The following NCOR2 variants were observed in gnomAD, a reference collection of about 807,000 sequenced individuals.
NCOR2 encodes nuclear receptor corepressor 2.
In NCOR2, 81 loss-of-function variants were observed where a neutral mutation model predicts 262.9. That is an observed-to-expected ratio of 0.31 (90% CI 0.26 to 0.37). The LOEUF is 0.37. Ranked by LOEUF, NCOR2 falls within the 10% of genes least tolerant of loss-of-function variation. NCOR2 has a pLI of 1.00. For synonymous variants in NCOR2, 1,659 were observed against 1,559.3 expected (o/e 1.06, Z -1.51); for missense variants, 3,385 against 3,621.4 (o/e 0.93, Z 1.68).
intron 18 of NCOR2, among the ~76,000 whole-genome samples, chr12:124,376,025 G>A (rs1328369449): frequency 6.6e-6 from 1 of 152,146 alleles, no homozygotes; most frequent in South Asian, 2.1e-4. Flanking sequence ...TGGCTGGGCC[G>A]GCAGACCCCG....
chr12:124,357,487 G>C (rs2038040400), intron 22 of NCOR2, among the ~76,000 whole-genome samples: 1 of 152,154 alleles, frequency 6.6e-6, no homozygotes, highest in African/African-American at 2.4e-5. Context: ...GTAGAGATGA[G>C]GTCTTGTTAT....
intron 1 of NCOR2, among the ~76,000 whole-genome samples, chr12:124,546,587 G>T (rs1218304200): frequency 6.6e-6 from 1 of 152,078 alleles, no homozygotes; most frequent in African/African-American, 2.4e-5. Flanking sequence ...GCTAATTTTT[G>T]TATTTTTAGT....
In NCOR2 at chr12:124,418,015, C is replaced by T. The variant is rs146019263; in HGVS notation, c.1482+1942G>A. 4.0e-3 allele frequency among the ~76,000 whole-genome samples: 608 copies of T among 150,648 alleles called. 3 individuals carry two copies. Among genetic ancestry groups the T allele is most frequent in the African/African-American group, 0.014 (587 of 40,948 alleles). ...GGCAGAGGTTGCAGTGAGCTGGGAT[C>T]GCGCCACTGCACTCTGACCTGGGCG... On this transcript the variant is annotated intron_variant, in intron 13 of 46. Transcript: ENST00000405201.
intron 20 of NCOR2, among the ~76,000 whole-genome samples, chr12:124,364,430 C>T (rs568782694): frequency 2.0e-5 from 3 of 152,312 alleles, no homozygotes; most frequent in Non-Finnish European, 2.9e-5. Context: ...CCACGAAGGA[C>T]GAGGACATGA....
chr12:124,408,633 C>T (rs556027302), intron 13 of NCOR2, among the ~76,000 whole-genome samples: 1 of 152,192 alleles, frequency 6.6e-6, no homozygotes, highest in Non-Finnish European at 1.5e-5. Context: ...CCTGTAGTCC[C>T]AGCTACTCAG....
At chr12:124,370,093 G>A (rs530572035) in intron 20 of NCOR2, among the ~76,000 whole-genome samples, 4 of 152,202 alleles carry the variant, frequency 2.6e-5, no homozygotes, top group African/African-American at 7.2e-5. Context: ...GCGGGGAGCC[G>A]TCTGCCCTGA....
intron 44 of NCOR2, chr12:124,328,843 T>G (rs1166398576): frequency 4.2e-6 from 1 of 239,748 alleles, no homozygotes; most frequent in Non-Finnish European, 8.4e-6. Flanking sequence ...AACTGCTGGC[T>G]GCCTGCGTTT....
intron 1 of NCOR2, among the ~76,000 whole-genome samples, chr12:124,525,136 C>A (rs1201607260): frequency 1.3e-5 from 2 of 152,174 alleles, no homozygotes; most frequent in African/African-American, 4.8e-5. Flanking sequence ...CCTCCTGGGG[C>A]CCCCCTGCTC....
intron 7 of NCOR2, among the ~76,000 whole-genome samples, chr12:124,446,104 C>T (rs1565951197): frequency 6.6e-6 from 1 of 152,194 alleles, no homozygotes; most frequent in African/African-American, 2.4e-5. Flanking sequence ...CTAGCATGAG[C>T]GGTCACAAAA....
At chr12:124,343,277 G>T in intron 32 of NCOR2, 51 bp from the exon 35 acceptor site, 1 of 1,535,558 alleles carries the variant, frequency 6.5e-7, no homozygotes, top group Non-Finnish European at 8.9e-7. Flanking sequence ...GGCATTTACG[G>T]GGAGTTGTTT....
intron 8 of NCOR2, among the ~76,000 whole-genome samples, chr12:124,433,904 A>ACACG (rs1341034176): frequency 0.033 from 3,052 of 93,766 alleles, 173 homozygotes; most frequent in African/African-American, 0.06. Context: ...ACACACGCAC[A>ACACG]CACACACACA....
chr12:124,567,461 C>G (rs1198842262), exon 1 of NCOR2: 6 of 149,316 alleles, frequency 4.0e-5, no homozygotes, highest in African/African-American at 1.5e-4. Flanking sequence ...CCTAGGGCGC[C>G]GGCCCTGGGT....
intron 1 of NCOR2, among the ~76,000 whole-genome samples, chr12:124,507,322 A>G (rs1215240325): frequency 1.3e-5 from 2 of 152,196 alleles, no homozygotes; most frequent in East Asian, 1.9e-4. Flanking sequence ...CTACTTACCA[A>G]TGGCTGAAGG....
At chr12:124,417,724 T>C (rs1268277670) in intron 13 of NCOR2, among the ~76,000 whole-genome samples, 1 of 152,222 alleles carries the variant, frequency 6.6e-6, no homozygotes, top group Admixed American at 6.5e-5. Context: ...CTTACCTTTT[T>C]GCCTCTCAGT....
At chr12:124,563,731 A>G (rs1205114030) in intron 1 of NCOR2, among the ~76,000 whole-genome samples, 3 of 152,256 alleles carry the variant, frequency 2.0e-5, no homozygotes, top group African/African-American at 4.8e-5. Context: ...TGAGACCTCA[A>G]AGAAATGCCA....
In NCOR2 at chr12:124,335,011, C is replaced by T; in HGVS notation, c.6411+124G>A. The T allele has an allele frequency of 2.7e-6, 4 of 1,465,436 alleles. No individual in the cohort carries two copies. In the South Asian group the frequency reaches 3.5e-5, roughly 13 times the overall value. 90.8% of individuals were successfully genotyped at this position (1,465,436 alleles called of 1,614,324 possible). ...ACCCACGCCCTGGATCCCCCCAGCGCCATGCCCTGGATCCCCCAGCCACCC... is the reference window on the plus strand; with the variant it reads ...ACCCACGCCCTGGATCCCCCCAGCGTCATGCCCTGGATCCCCCAGCCACCC... On this transcript the variant is annotated intron_variant, in intron 40 of 46. Transcript: ENST00000405201.
At chr12:124,335,384 T>G in intron 39 of NCOR2, 99 bp downstream of exon 41, 9 of 1,511,656 alleles carry the variant, frequency 6.0e-6, no homozygotes, top group Non-Finnish European at 7.9e-6. Context: ...AGCCAATTCC[T>G]TGGCCTTTAG....
chr12:124,366,584 G>A (rs918424517), intron 20 of NCOR2, among the ~76,000 whole-genome samples: 8 of 152,118 alleles, frequency 5.3e-5, no homozygotes, highest in Admixed American at 3.3e-4. Flanking sequence ...TAATCTCACT[G>A]CAGCCTTGAC....
At chr12:124,491,248 T>C (rs1361481424) in intron 1 of NCOR2, among the ~76,000 whole-genome samples, 2 of 152,272 alleles carry the variant, frequency 1.3e-5, no homozygotes, top group Admixed American at 1.3e-4. Context: ...AAAGGCGATG[T>C]TGTAATAATA....
Sources: gnomAD v4.1 joint callset for allele counts (sites outside exome capture counted in the v4.1 genomes callset) on GRCh38, gnomAD v4.1.1 for gene constraint, MANE v1.5 for transcripts, NCBI Gene and HGNC (gene_info 2026-07-23, HGNC 2026-07-21) for gene names.